The following SEC14L2 variants were observed in gnomAD, a reference collection of about 807,000 sequenced individuals.
SEC14L2 encodes SEC14-like protein 2.
In SEC14L2, 50 loss-of-function variants were observed where a neutral mutation model predicts 56.9. The observed-to-expected ratio is 0.88, with a 90% CI of 0.70 to 1.11. The LOEUF (loss-of-function observed/expected upper bound fraction) is 1.11. SEC14L2 is among the 50% of genes most tolerant of loss of function. The pLI is 0.00. For synonymous variants in SEC14L2, 179 were observed against 188.5 expected, an observed-to-expected ratio of 0.95 and a Z score of 0.41; for missense variants, 414 against 500.7, an observed-to-expected ratio of 0.83 and a Z score of 1.65.
At chr22:30,397,761 A>G in intron 1 of SEC14L2, 1 of 435,238 alleles carries the variant, frequency 2.3e-6, no homozygotes, top group Admixed American at 2.7e-5. Flanking sequence ...TCCCCCCATG[A>G]GGCACTGGGT....
intron 1 of SEC14L2, 78 bp downstream of exon 1, chr22:30,397,248 C>A (rs1933780583): frequency 7.9e-7 from 1 of 1,260,816 alleles, no homozygotes; most frequent in Non-Finnish European, 1.1e-6. Flanking sequence ...AGGGACGGGG[C>A]TGGGTGGGGG....
chr22:30,408,118 AAAG>A (rs953965391), intron 5 of SEC14L2, among the ~76,000 whole-genome samples: 19 of 151,844 alleles, frequency 1.3e-4, no homozygotes, highest in African/African-American at 4.1e-4. Context: ...AAAAAAAAAA[AAAG>A]GAGTCCTTTA....
Position 30,407,463 on chromosome 22 carries a change from G to A in SEC14L2, c.283G>A (p.Gly95Ser). 1 of 1,614,182 alleles carries A rather than the reference G, an allele frequency of 6.2e-7. No individual in the cohort carries two copies. ...GGGTATGTGTGGCTATGACCTGGAT[G>A]GCTGCCCAGTCTGGTACGACATAAT... is the stretch of plus-strand genomic sequence containing the variant. ...SGGMCGYDLDGCPVWYDIIGP... is the reference protein window; with the variant it reads ...SGGMCGYDLDSCPVWYDIIGP... Residue 95 changes from glycine (G) to serine (S), a missense_variant, in exon 5 of 12, where the codon GGC becomes AGC. Transcript: ENST00000615189.
intron 7 of SEC14L2, 83 bp downstream of exon 7, chr22:30,409,569 T>C: frequency 7.6e-7 from 1 of 1,313,102 alleles, no homozygotes; most frequent in Non-Finnish European, 1.1e-6. Context: ...GGTCAAACAG[T>C]GAGCCAAAAG....
At position 30,406,446 on chromosome 22, in the gene SEC14L2, T is replaced by G. The variant is rs376476744; in HGVS notation, c.174+61T>G. On this transcript the variant is annotated intron_variant, in intron 3 of 11. Transcript: ENST00000615189. ...CATCAGAATCACTCCTTGCGTGGAC[T>G]TCTTTTGCCGCACCTCCCATCCCAA... 7.1e-6 allele frequency: 11 copies of G among 1,553,394 alleles called. No homozygotes were observed. In the African/African-American group the frequency reaches 1.5e-4, roughly 21 times the overall value.
intron 2 of SEC14L2, among the ~76,000 whole-genome samples, chr22:30,403,186 C>G (rs1933989340): frequency 6.6e-6 from 1 of 152,172 alleles, no homozygotes; most frequent in Non-Finnish European, 1.5e-5. Flanking sequence ...AATGTCTGTC[C>G]CTAACCCAGG....
At chr22:30,410,470 T>C in intron 7 of SEC14L2, 126 bp from the exon 8 acceptor site, 1 of 863,748 alleles carries the variant, frequency 1.2e-6, no homozygotes, top group Non-Finnish European at 1.9e-6. Flanking sequence ...CTATGTGGGC[T>C]CCAGAGCCCT....
At chr22:30,398,207 C>T (rs957218754) in intron 1 of SEC14L2, among the ~76,000 whole-genome samples, 2 of 152,150 alleles carry the variant, frequency 1.3e-5, no homozygotes, top group African/African-American at 4.8e-5. Flanking sequence ...ACTGCTGACT[C>T]GCAGGAGAGG....
chr22:30,403,171 G>A (rs965371650), intron 2 of SEC14L2, among the ~76,000 whole-genome samples: 13 of 152,096 alleles, frequency 8.5e-5, no homozygotes, highest in African/African-American at 3.1e-4. Context: ...GTCACACACG[G>A]GCAGAATGTC....
rs189046568 is a variant in SEC14L2, at chr22:30,405,658, G to T, written c.131-684G>T. On this transcript the variant is annotated intron_variant, in intron 2 of 11. Transcript: ENST00000615189. ...TCTGCCAGCTCTGCCACAGATTACA[G>T]GGGCAGCTATATTCATCTTTGTTTT... Among the ~76,000 whole-genome samples, 248 of 152,186 alleles carry T rather than the reference G, an allele frequency of 1.6e-3. 1 individual carries two copies. Among genetic ancestry groups the T allele is most frequent in the African/African-American group, 5.5e-3 (229 of 41,514 alleles).
Position 30,407,078 on chromosome 22 carries a change from C to T in SEC14L2, c.175-17C>T, listed in dbSNP as rs1002134552. ...TCCATCCCTCCTTTTAAAAATTTCC[C>T]CATTGTATCTTTGTAGCATGTGGAG... On this transcript the variant is annotated splice_polypyrimidine_tract_variant and intron_variant, in intron 3 of 11. Coordinates refer to ENST00000615189, the MANE Select transcript of SEC14L2 (RefSeq NM_012429.5). The T allele has an allele frequency of 6.2e-7, 1 of 1,613,084 alleles. No homozygotes were observed. The highest frequency in any genetic ancestry group is 8.5e-7 in the Non-Finnish European group (1 of 1,179,478).
intron 8 of SEC14L2, among the ~76,000 whole-genome samples, chr22:30,411,857 A>G (rs1262189072): frequency 4.6e-5 from 7 of 151,842 alleles, no homozygotes; most frequent in African/African-American, 1.2e-4. Flanking sequence ...GAAACCACAA[A>G]GTGCATGGGA....
At position 30,413,547 on chromosome 22, in the gene SEC14L2, C is replaced by T. The variant is rs142561425; in HGVS notation, c.665-2212C>T. Among the ~76,000 whole-genome samples the T allele has an allele frequency of 3.0e-3, 458 of 152,198 alleles. 1 individual carries two copies. Among genetic ancestry groups the T allele is most frequent in the South Asian group, 9.1e-3 (44 of 4,814 alleles). On this transcript the variant is annotated intron_variant, in intron 8 of 11. Transcript: ENST00000615189. The stretch of plus-strand genomic sequence containing the variant: ...CCAGCCTGGGAAACATAGTGAGACA[C>T]CGTTTCAAAAACAAAACAAAAAGGT...
chr22:30,422,701 C>T lies in SEC14L2; in HGVS notation c.*294C>T. 3.4e-6 allele frequency: 1 copy of T among 293,848 alleles called. No individual in the cohort carries two copies. The highest frequency in any genetic ancestry group is 6.9e-5 in the South Asian group (1 of 14,588). 18.2% of individuals were successfully genotyped at this position (293,848 alleles called of 1,614,324 possible). On this transcript the variant is annotated 3_prime_UTR_variant, in exon 12 of 12. Coordinates refer to ENST00000615189, the MANE Select transcript of SEC14L2 (RefSeq NM_012429.5). ...CAGCGAAGCTGGGGGTGGCGGGGGG[C>T]ATGTACCACAGGGTGGCAGCAGGGA...
Position 30,424,558 on chromosome 22 carries a change from A to G in SEC14L2, c.*2151A>G. ...ATCACGCAAAAACCCTGTGCTTACT[A>G]TTACACTTTGGGTTGTTGCAAAGAT... On this transcript the variant is annotated 3_prime_UTR_variant, in exon 12 of 12. Transcript: ENST00000615189. 2.7e-6 allele frequency: 1 copy of G among 373,406 alleles called. No individual in the cohort carries two copies. Among genetic ancestry groups the G allele is most frequent in the South Asian group, 2.0e-5 (1 of 50,044 alleles). 23.1% of individuals were successfully genotyped at this position (373,406 alleles called of 1,614,324 possible).
Position 30,416,400 on chromosome 22 carries a change from A to T in SEC14L2, c.1078A>T (p.Ile360Phe). The stretch of plus-strand genomic sequence containing the variant: ...GACCCTCACCTGCAGTGATCCTGGC[A>T]TCTGTAAGTATCTCTGCCTTGGCAA... ...DGTLTCSDPGIYVLRFDNTYS... is the reference protein window; with the variant it reads ...DGTLTCSDPGFYVLRFDNTYS... The change falls in exon 11 of 12, where the codon ATC becomes TTC. Residue 360 changes from isoleucine (I) to phenylalanine (F), a missense_variant. Ile to Phe is a conservative substitution (Grantham distance 21). Coordinates refer to ENST00000615189, the MANE Select transcript of SEC14L2 (RefSeq NM_012429.5). The T allele has an allele frequency of 6.2e-7, 1 of 1,614,234 alleles. No individual in the cohort carries two copies. The highest frequency in any genetic ancestry group is 8.5e-7 in the Non-Finnish European group (1 of 1,180,036).
chr22:30,422,156 C>T (rs1469072959), intron 11 of SEC14L2, 121 bp from the exon 12 acceptor site: 3 of 1,247,400 alleles, frequency 2.4e-6, no homozygotes, highest in East Asian at 2.3e-5. Context: ...ACCTAGGCTA[C>T]CTTCATCCCC....
Position 30,410,695 on chromosome 22 carries a change from T to A in SEC14L2, c.664+16T>A. 1.2e-6 allele frequency: 2 copies of A among 1,608,742 alleles called. No homozygotes were observed. Among genetic ancestry groups the A allele is most frequent in the Non-Finnish European group, 1.7e-6 (2 of 1,175,056 alleles). Reference sequence around the variant, plus strand: ...GTCCTGGGAGGTAAGTGGTCCAGACTGTTCTCAACTCCAAAGGAGGGTCTG... The same window carrying A: ...GTCCTGGGAGGTAAGTGGTCCAGACAGTTCTCAACTCCAAAGGAGGGTCTG... On this transcript the variant is annotated intron_variant, in intron 8 of 11. Coordinates refer to ENST00000615189, the MANE Select transcript of SEC14L2 (RefSeq NM_012429.5).
At position 30,422,223 on chromosome 22, in the gene SEC14L2, C is replaced by T; in HGVS notation, c.1082-54C>T. ...AAACATCAACAAAAATCACTGTCCC[C>T]AAGCCCTTTGCCAGAACTGCCTGAA... On this transcript the variant is annotated intron_variant, in intron 11 of 11. Transcript: ENST00000615189. 3.1e-6 allele frequency: 5 copies of T among 1,607,450 alleles called. No individual in the cohort carries two copies. The Admixed American group carries it at 8.4e-5, about 27-fold the overall frequency.
Sources: allele counts gnomAD v4.1 joint callset (sites outside exome capture counted in the v4.1 genomes callset), GRCh38; gene constraint gnomAD v4.1.1; transcripts MANE v1.5; gene names NCBI Gene and HGNC (gene_info 2026-07-23, HGNC 2026-07-21).